TRIM44: variants seen among roughly 807,000 people sequenced by gnomAD.
TRIM44 encodes the protein tripartite motif containing 44, also known as tripartite motif-containing protein 44.
A neutral mutation model predicts 37.4 loss-of-function variants in TRIM44; 13 were observed. The ratio of observed to expected loss-of-function variants is 0.35; its 90% confidence interval spans 0.23 to 0.55. The LOEUF (loss-of-function observed/expected upper bound fraction) is 0.55. TRIM44 is among the 20% of genes least tolerant of loss of function. The pLI is 0.89. For missense variants in TRIM44, 426 were observed against 437.2 expected, an observed-to-expected ratio of 0.97 and a Z score of 0.23; for synonymous variants, 175 against 157.2, an observed-to-expected ratio of 1.11 and a Z score of -0.85.
chr11:35,796,960 C>A (rs1853300863), intron 4 of TRIM44, among the ~76,000 whole-genome samples: 1 of 152,102 alleles, frequency 6.6e-6, no homozygotes, highest in Admixed American at 6.5e-5. Flanking sequence ...ATTCCTGTGC[C>A]GATGTGAGTA....
At chr11:35,756,839 C>A (rs1364533333) in intron 4 of TRIM44, among the ~76,000 whole-genome samples, 1 of 152,214 alleles carries the variant, frequency 6.6e-6, no homozygotes, top group Non-Finnish European at 1.5e-5. Flanking sequence ...ACCAGCCTTG[C>A]ATCCCAGGGA....
chr11:35,675,872 G>A (rs1851454537), intron 1 of TRIM44, among the ~76,000 whole-genome samples: 1 of 152,028 alleles, frequency 6.6e-6, no homozygotes, highest in Non-Finnish European at 1.5e-5. Context: ...ATACATTGCT[G>A]CTTATGTTTC....
chr11:35,779,977 G>T (rs1191553765), intron 4 of TRIM44, among the ~76,000 whole-genome samples: 1 of 150,308 alleles, frequency 6.7e-6, no homozygotes, highest in Non-Finnish European at 1.5e-5. Flanking sequence ...GTCTGTTTCA[G>T]TATCATTACC....
rs753666669 is a variant in TRIM44, at chr11:35,806,392, G to C, written c.*7G>C. ...TGAAGAAGAGGACACATGAAGGCTTGCTACCCCCAGTGGAAAATCATCCCC... is the reference window on the plus strand; with the variant it reads ...TGAAGAAGAGGACACATGAAGGCTTCCTACCCCCAGTGGAAAATCATCCCC... On this transcript the variant is annotated 3_prime_UTR_variant, in exon 5 of 5. Transcript: ENST00000299413. 1 of 1,613,624 alleles carries C rather than the reference G, an allele frequency of 6.2e-7. No homozygotes were observed. The highest frequency in any genetic ancestry group is 8.5e-7 in the Non-Finnish European group (1 of 1,179,672).
chr11:35,779,444 C>T lies in TRIM44; in HGVS notation c.1008-26914C>T, dbSNP rs535765432. ...TTCAGCTCACACTCCGTGAGCTGCA[C>T]CCACTGTCCGACAAGCCCCAGTGAG... On this transcript the variant is annotated intron_variant, in intron 4 of 4. Coordinates refer to ENST00000299413, the MANE Select transcript of TRIM44 (RefSeq NM_017583.6). Among the ~76,000 whole-genome samples, 280 of 152,236 alleles carry T rather than the reference C, an allele frequency of 1.8e-3. 2 individuals carry two copies. Among genetic ancestry groups the T allele is most frequent in the African/African-American group, 6.5e-3 (269 of 41,546 alleles).
chr11:35,753,974 G>A (rs955990130), intron 4 of TRIM44, among the ~76,000 whole-genome samples: 8 of 151,830 alleles, frequency 5.3e-5, no homozygotes, highest in African/African-American at 9.7e-5. Context: ...AACCCAGGAG[G>A]CCAAGGCTGC....
chr11:35,790,439 C>G (rs896697938), intron 4 of TRIM44, among the ~76,000 whole-genome samples: 1 of 152,162 alleles, frequency 6.6e-6, no homozygotes, highest in Non-Finnish European at 1.5e-5. Flanking sequence ...ATAGAGCAGT[C>G]CTTTGAATTC....
intron 1 of TRIM44, among the ~76,000 whole-genome samples, chr11:35,675,162 G>A (rs2135485648): frequency 6.6e-6 from 1 of 152,280 alleles, no homozygotes; most frequent in East Asian, 1.9e-4. Flanking sequence ...GTGCCTGCTG[G>A]ATGGTAGATG....
intron 4 of TRIM44, among the ~76,000 whole-genome samples, chr11:35,745,266 A>G (rs149827255): frequency 6.6e-6 from 1 of 152,228 alleles, no homozygotes; most frequent in African/African-American, 2.4e-5. Flanking sequence ...TTTGATTTGC[A>G]TTTCTCTAAT....
rs557051038 is a variant in TRIM44, at chr11:35,813,263, A to C, written c.*6878A>C. On this transcript the variant is annotated 3_prime_UTR_variant, in exon 5 of 5. Transcript: ENST00000299413. ...CCTATCCCTATTTCCTGAACACAAA[A>C]TCTAAACCAGTGGTTTGACAATGAG... 3.3e-5 allele frequency: 5 copies of C among 152,342 alleles called. No homozygotes were observed. The highest frequency in any genetic ancestry group is 1.2e-4 in the African/African-American group (5 of 41,596). The allele number at this position is 152,342 out of a possible 1,614,324, so 9.4% of individuals were successfully genotyped here.
chr11:35,686,138 T>G (rs576721953), intron 2 of TRIM44, among the ~76,000 whole-genome samples: 2 of 152,230 alleles, frequency 1.3e-5, no homozygotes, highest in Non-Finnish European at 2.9e-5. Context: ...TCCCGGCTTT[T>G]TTTTTTTATT....
At chr11:35,805,483 C>A (rs900177628) in intron 4 of TRIM44, among the ~76,000 whole-genome samples, 14 of 152,182 alleles carry the variant, frequency 9.2e-5, no homozygotes, top group African/African-American at 3.4e-4. Context: ...ACTAGCCATG[C>A]CTGAGGGACT....
chr11:35,760,288 G>A (rs974347609), intron 4 of TRIM44, among the ~76,000 whole-genome samples: 4 of 152,204 alleles, frequency 2.6e-5, no homozygotes, highest in African/African-American at 7.2e-5. Flanking sequence ...AGGACCCTCC[G>A]AGCCAGGCAT....
chr11:35,778,195 T>A (rs776630082), intron 4 of TRIM44, among the ~76,000 whole-genome samples: 6 of 152,224 alleles, frequency 3.9e-5, no homozygotes, highest in African/African-American at 7.2e-5. Context: ...TCTGGCTTCA[T>A]TTCATTCATT....
chr11:35,728,197 G>A (rs1852207531), intron 3 of TRIM44, among the ~76,000 whole-genome samples: 1 of 152,108 alleles, frequency 6.6e-6, no homozygotes, highest in African/African-American at 2.4e-5. Context: ...ATGGTGGCGA[G>A]CACCTGCAGT....
rs193148607 is a variant in TRIM44 at position 35,812,901 on chromosome 11, T to A, written c.*6516T>A. 6.6e-6 allele frequency: 1 copy of A among 152,340 alleles called. No individual in the cohort carries two copies. Among genetic ancestry groups the A allele is most frequent in the African/African-American group, 2.4e-5 (1 of 41,578 alleles). The allele number at this position is 152,340 out of a possible 1,614,324, so 9.4% of individuals were successfully genotyped here. On this transcript the variant is annotated 3_prime_UTR_variant, in exon 5 of 5. Coordinates refer to ENST00000299413, the MANE Select transcript of TRIM44 (RefSeq NM_017583.6). ...ACTGTTAGACTTGCTTTATCTTCTTTATTCCAAGGCCATAAATAAGAAAAT... is the reference window on the plus strand; with the variant it reads ...ACTGTTAGACTTGCTTTATCTTCTTAATTCCAAGGCCATAAATAAGAAAAT...
intron 4 of TRIM44, among the ~76,000 whole-genome samples, chr11:35,738,941 G>T (rs554675867): frequency 3.3e-5 from 5 of 152,196 alleles, no homozygotes; most frequent in African/African-American, 1.2e-4. Context: ...CAGTCTCCAT[G>T]GTGGAAGGAA....
intron 4 of TRIM44, among the ~76,000 whole-genome samples, chr11:35,774,864 AC>A (rs967120877): frequency 6.6e-6 from 1 of 152,176 alleles, no homozygotes; most frequent in African/African-American, 2.4e-5. Flanking sequence ...TGTTTTGCTT[AC>A]TGGAGCTTTG....
intron 2 of TRIM44, among the ~76,000 whole-genome samples, chr11:35,707,016 A>G (rs1030095196): frequency 3.9e-5 from 6 of 152,178 alleles, no homozygotes; most frequent in Non-Finnish European, 7.3e-5. Context: ...AGAAAACCCC[A>G]TTGTTTCAGC....
Sources: gnomAD v4.1 joint callset for allele counts (sites outside exome capture counted in the v4.1 genomes callset) on GRCh38, gnomAD v4.1.1 for gene constraint, MANE v1.5 for transcripts, NCBI Gene and HGNC (gene_info 2026-07-23, HGNC 2026-07-21) for gene names.